NEK10: variants seen among roughly 807,000 people sequenced by gnomAD.
The protein encoded by NEK10 is serine/threonine-protein kinase Nek10.
In NEK10, 122 loss-of-function variants were observed where a neutral mutation model predicts 159.8. That is an observed-to-expected ratio of 0.76 (90% CI 0.66 to 0.89). NEK10 has a LOEUF of 0.89. Among genes scored for constraint, NEK10 ranks in the 40% least tolerant of loss-of-function variants. The pLI is 0.00. For synonymous variants in NEK10, 466 were observed against 457.1 expected, an observed-to-expected ratio of 1.02 and a Z score of -0.25; for missense variants, 1,342 against 1,323.1, an observed-to-expected ratio of 1.01 and a Z score of -0.22.
intron 32 of NEK10, among the ~76,000 whole-genome samples, chr3:27,122,551 G>A (rs1468062499): frequency 1.3e-5 from 2 of 152,144 alleles, no homozygotes; most frequent in Non-Finnish European, 2.9e-5. Context: ...TCATATCCCA[G>A]CTTGTAGGTG....
chr3:27,301,950 TG>T, intron 12 of NEK10, 115 bp from the exon 13 acceptor site: 1 of 764,700 alleles, frequency 1.3e-6, no homozygotes, highest in Non-Finnish European at 2.1e-6. Flanking sequence ...GCATCATTAT[TG>T]TTTCACTTTC....
chr3:27,305,112 G>T, intron 11 of NEK10, 141 bp from the exon 12 acceptor site: 1 of 625,254 alleles, frequency 1.6e-6, no homozygotes, highest in East Asian at 2.7e-5. Flanking sequence ...TTTTCTGTAA[G>T]GAGCCCGATC....
chr3:27,230,076 AC>A (rs1381623993), intron 23 of NEK10, among the ~76,000 whole-genome samples: 1 of 152,018 alleles, frequency 6.6e-6, no homozygotes, highest in African/African-American at 2.4e-5. Flanking sequence ...TATCAGGCAA[AC>A]CAAAATCAGC....
intron 23 of NEK10, among the ~76,000 whole-genome samples, chr3:27,254,241 G>C (rs1955949735): frequency 1.3e-5 from 2 of 152,036 alleles, no homozygotes; most frequent in East Asian, 3.9e-4. Context: ...TATTTTGTGT[G>C]TGGTCCAAGA....
In NEK10 at chr3:27,162,348, C is replaced by T. The variant is rs117148524; in HGVS notation, c.2869+353G>A. 6.8e-4 allele frequency: 1,000 copies of T among 1,479,956 alleles called. 13 individuals carry two copies. In the East Asian group the frequency reaches 0.019, roughly 28 times the overall value. 91.7% of individuals were successfully genotyped at this position (1,479,956 alleles called of 1,614,324 possible). A position where few individuals can be genotyped will look rare whatever the true frequency, so the allele number is the denominator to read the frequency against. On this transcript the variant is annotated intron_variant, in intron 30 of 35. Coordinates refer to ENST00000691995, the MANE Select transcript of NEK10 (RefSeq NM_001394966.1). ...GGTGAACAAACAAGGCAGAATTCTC[C>T]GCTCTTTGTATTAAAATTACCACCC...
intron 3 of NEK10, among the ~76,000 whole-genome samples, chr3:27,346,929 C>A (rs965472645): frequency 2.0e-5 from 3 of 152,168 alleles, no homozygotes; most frequent in Non-Finnish European, 4.4e-5. Flanking sequence ...GTCAGGTTAT[C>A]AGTATTCAAA....
At chr3:27,199,471 G>A (rs887153728) in intron 25 of NEK10, among the ~76,000 whole-genome samples, 1 of 152,140 alleles carries the variant, frequency 6.6e-6, no homozygotes. Flanking sequence ...ATGCTGGAAA[G>A]GTTCAGCGAA....
In NEK10 at chr3:27,282,538, T is replaced by TTATATATA. The variant is rs10525422; in HGVS notation, c.2014+2056_2014+2063dup. ...TCTGTTGTATATATACATAAATGTG[T>TTATATATA]TATATATATATATATATATATACAT... On this transcript the variant is annotated intron_variant, in intron 22 of 35. Transcript: ENST00000691995. Among the ~76,000 whole-genome samples the TTATATATA allele has an allele frequency of 4.4e-3, 185 of 42,126 alleles. 36 individuals are homozygous for TTATATATA. The highest frequency in any genetic ancestry group is 9.5e-3 in the African/African-American group (110 of 11,524). 27.6% of individuals were successfully genotyped at this position (42,126 alleles called of 152,430 possible).
chr3:27,300,075 G>C (rs1271325190), intron 13 of NEK10, among the ~76,000 whole-genome samples: 9 of 152,130 alleles, frequency 5.9e-5, no homozygotes, highest in African/African-American at 2.2e-4. Context: ...TACGATTTGG[G>C]AGGGGCCGGG....
chr3:27,166,015 C>T (rs1432188494), intron 29 of NEK10, among the ~76,000 whole-genome samples: 6 of 152,126 alleles, frequency 3.9e-5, no homozygotes, highest in Non-Finnish European at 7.4e-5. Context: ...AGTATCAATG[C>T]TATTTGATAT....
intron 23 of NEK10, among the ~76,000 whole-genome samples, chr3:27,233,826 C>A (rs1047831750): frequency 3.9e-5 from 6 of 152,086 alleles, no homozygotes; most frequent in Admixed American, 3.9e-4. Context: ...AAAAGGAAAA[C>A]TTCAGGCCAA....
At position 27,111,241 on chromosome 3, in the gene NEK10, G is replaced by GA; in HGVS notation, c.*30dup. 6.2e-7 allele frequency: 1 copy of GA among 1,602,980 alleles called. No homozygotes were observed. The highest frequency in any genetic ancestry group is 1.1e-5 in the South Asian group (1 of 90,058). On this transcript the variant is annotated 3_prime_UTR_variant, in exon 36 of 36. Coordinates refer to ENST00000691995, the MANE Select transcript of NEK10 (RefSeq NM_001394966.1). ...AAGTCCAGAACTTGAACTTCACTGA[G>GA]AAAATCAAGTCCACTCAAAATGCAG...
chr3:27,316,016 C>T (rs2045132117), intron 6 of NEK10, among the ~76,000 whole-genome samples: 1 of 152,132 alleles, frequency 6.6e-6, no homozygotes, highest in Non-Finnish European at 1.5e-5. Flanking sequence ...TGCTGTAATT[C>T]CGAGAGAAGC....
intron 25 of NEK10, among the ~76,000 whole-genome samples, chr3:27,195,239 G>A (rs1333227818): frequency 6.6e-6 from 1 of 152,324 alleles, no homozygotes; most frequent in East Asian, 1.9e-4. Context: ...AAGATTGGCT[G>A]TGAGCCTGAT....
At chr3:27,291,176 G>C in intron 18 of NEK10, 86 bp downstream of exon 18, 1 of 1,270,256 alleles carries the variant, frequency 7.9e-7, no homozygotes, top group Non-Finnish European at 1.1e-6. Flanking sequence ...AATGACAAGA[G>C]TTCTAATTCA....
intron 32 of NEK10, among the ~76,000 whole-genome samples, chr3:27,122,783 A>G (rs960887245): frequency 6.6e-6 from 1 of 152,174 alleles, no homozygotes; most frequent in African/African-American, 2.4e-5. Flanking sequence ...AGCCTCAAAA[A>G]AAATTACATG....
Position 27,243,550 on chromosome 3 carries a change from C to T in NEK10, c.2090+12746G>A, listed in dbSNP as rs116257003. On this transcript the variant is annotated intron_variant, in intron 23 of 35. Transcript: ENST00000691995. ...TTTGATTTCTTGTGACCATTTTATC[C>T]GTCAACCAGACTCCCTTCTATACAT... 3.1e-3 allele frequency among the ~76,000 whole-genome samples: 465 copies of T among 152,062 alleles called. 3 individuals carry two copies. Among genetic ancestry groups the T allele is most frequent in the South Asian group, 5.6e-3 (27 of 4,808 alleles).
At chr3:27,213,772 G>A (rs1049796519) in intron 23 of NEK10, among the ~76,000 whole-genome samples, 4 of 152,060 alleles carry the variant, frequency 2.6e-5, no homozygotes, top group African/African-American at 4.8e-5. Context: ...AGCATCACAC[G>A]ACAGATAGCA....
intron 23 of NEK10, among the ~76,000 whole-genome samples, chr3:27,238,994 CAACCAATCAGAGGCT>C (rs1300741439): frequency 6.6e-6 from 1 of 151,932 alleles, no homozygotes; most frequent in African/African-American, 2.4e-5. Flanking sequence ...TTGCAAGAGT[CAACCAATCAGAGGCT>C]AAAGTGAAGT....
Sources: allele counts gnomAD v4.1 joint callset (sites outside exome capture counted in the v4.1 genomes callset), GRCh38; gene constraint gnomAD v4.1.1; transcripts MANE v1.5; gene names NCBI Gene and HGNC (gene_info 2026-07-23, HGNC 2026-07-21).